CPEB2: variants seen among roughly 807,000 people sequenced by gnomAD.
CPEB2 encodes cytoplasmic polyadenylation element binding protein 2.
In CPEB2, 56 loss-of-function variants were observed where a neutral mutation model predicts 93.6. The ratio of observed to expected loss-of-function variants is 0.60; its 90% CI spans 0.48 to 0.75. The LOEUF (loss-of-function observed/expected upper bound fraction) is 0.75, where lower values mean the gene tolerates loss of function less well. Ranked by LOEUF, CPEB2 falls within the 30% of genes least tolerant of loss-of-function variation. CPEB2 has a pLI of 0.00. For missense variants in CPEB2, 1,579 were observed against 1,395.1 expected, an observed-to-expected ratio of 1.13 and a Z score of -2.10; for synonymous variants, 764 against 586.3, an observed-to-expected ratio of 1.30 and a Z score of -4.38.
chr4:15,002,591 G>A lies in CPEB2; in HGVS notation c.-83G>A. The A allele has an allele frequency of 8.4e-7, 1 of 1,193,058 alleles. No homozygotes were observed. The highest frequency in any genetic ancestry group is 1.1e-6 in the Non-Finnish European group (1 of 885,554). 73.9% of individuals were successfully genotyped at this position (1,193,058 alleles called of 1,614,324 possible). On this transcript the variant is annotated 5_prime_UTR_variant, in exon 1 of 12. Transcript: ENST00000538197. ...CACTGACTCCCCCTCCTTCCACCAC[G>A]GCCGCGCAACCCCAGCGCCGGCGGC...
At chr4:15,027,493 C>G (rs1309086723) in intron 4 of CPEB2, among the ~76,000 whole-genome samples, 2 of 152,160 alleles carry the variant, frequency 1.3e-5, no homozygotes, top group Non-Finnish European at 2.9e-5. Context: ...GAATGACTGT[C>G]CTGCCCCTTG....
At chr4:15,050,721 T>G (rs550755367) in intron 6 of CPEB2, among the ~76,000 whole-genome samples, 1 of 152,324 alleles carries the variant, frequency 6.6e-6, no homozygotes, top group South Asian at 2.1e-4. Flanking sequence ...CATGATATTT[T>G]GGCTGCCCTC....
intron 6 of CPEB2, among the ~76,000 whole-genome samples, chr4:15,048,679 C>T (rs969682238): frequency 6.6e-6 from 1 of 151,702 alleles, no homozygotes; most frequent in African/African-American, 2.4e-5. Context: ...GTCTTGTTTT[C>T]TAATATGCTT....
In CPEB2 at chr4:15,054,460, T is replaced by C. The variant is rs145938866; in HGVS notation, c.2461+243T>C. On this transcript the variant is annotated intron_variant, in intron 8 of 11. Transcript: ENST00000538197. The stretch of plus-strand genomic sequence containing the variant: ...TGAAATTAAGATCTATGTGAAGTGA[T>C]TGGTCTTTCATAAAATATAAATTTA... Among the ~76,000 whole-genome samples, 42 of 152,344 alleles carry C rather than the reference T, an allele frequency of 2.8e-4. No individual in the cohort carries two copies. In the East Asian group the frequency reaches 6.2e-3, roughly 22 times the overall value.
At chr4:15,024,369 C>T (rs572848052) in intron 4 of CPEB2, among the ~76,000 whole-genome samples, 1 of 152,148 alleles carries the variant, frequency 6.6e-6, no homozygotes, top group African/African-American at 2.4e-5. Flanking sequence ...CATAATGTTT[C>T]TACCTATATA....
chr4:15,064,513 A>G (rs1158021092), intron 11 of CPEB2, among the ~76,000 whole-genome samples: 1 of 152,044 alleles, frequency 6.6e-6, no homozygotes, highest in Non-Finnish European at 1.5e-5. Context: ...CTGGTGTTTT[A>G]TCAGGTATTA....
chr4:15,058,537 C>T lies in CPEB2; in HGVS notation c.2578C>T (p.Pro860Ser), dbSNP rs1447895134. The part of the protein sequence containing the change: ...CVSSPTIKDK[P>S]VQIRPWNLSD... ...TTCTAGCCCTACTATCAAGGACAAA[C>T]CAGTAAGTAAATACCACATGAACTT... is the stretch of plus-strand genomic sequence containing the variant. The change falls in exon 9 of 12, where the codon CCA becomes TCA. Residue 860 changes from proline (P) to serine (S), a missense_variant and splice_region_variant. By Grantham distance (74) the Pro-to-Ser change is moderately conservative. Transcript: ENST00000538197. 1.3e-6 allele frequency: 2 copies of T among 1,549,104 alleles called. No homozygotes were observed.
rs781297312 is a variant in CPEB2, at chr4:15,059,206, A to G, written c.2600A>G (p.Asn867Ser). The part of the protein sequence containing the change: ...KDKPVQIRPW[N>S]LSDSDFVMDG... The stretch of plus-strand genomic sequence containing the variant: ...TCATAGGTTCAAATACGTCCTTGGA[A>G]TTTAAGTGATAGTGATTTTGTAATG... Residue 867 changes from asparagine (N) to serine (S), a missense_variant, in exon 10 of 12, where the codon AAT (asparagine) becomes AGT (serine). Transcript: ENST00000538197. The G allele has an allele frequency of 6.2e-7, 1 of 1,610,790 alleles. No homozygotes were observed. The highest frequency in any genetic ancestry group is 1.1e-5 in the South Asian group (1 of 90,754).
Position 15,052,444 on chromosome 4 carries a change from G to A in CPEB2, c.2231G>A (p.Gly744Asp). ...GRSSLFPIDD[G>D]LLDDGHSDQV... ...TCTTCCCTCTTTCCAATAGATGATG[G>A]CTTGCTTGATGATGGTCACAGTGAT... The change falls in exon 7 of 12, where the codon GGC becomes GAC. Residue 744 changes from glycine to aspartate, a missense_variant. By Grantham distance (94) the Gly-to-Asp change is moderately conservative (BLOSUM62 -1). This residue lies in a region of CPEB2 where 1,411 missense variants were observed against 1,056.0 expected (regional missense o/e 1.34). Coordinates refer to ENST00000538197, the MANE Select transcript of CPEB2 (RefSeq NM_001177382.2). 6.4e-7 allele frequency: 1 copy of A among 1,554,854 alleles called. No homozygotes were observed. Among genetic ancestry groups the A allele is most frequent in the Non-Finnish European group, 8.7e-7 (1 of 1,144,946 alleles).
At chr4:15,041,871 T>C (rs752154889) in intron 6 of CPEB2, among the ~76,000 whole-genome samples, 1 of 152,250 alleles carries the variant, frequency 6.6e-6, no homozygotes, top group Non-Finnish European at 1.5e-5. Flanking sequence ...TTTTTTAATA[T>C]GGTTTTTTCA....
intron 4 of CPEB2, among the ~76,000 whole-genome samples, chr4:15,019,394 T>A (rs530376975): frequency 1.3e-5 from 2 of 152,110 alleles, no homozygotes; most frequent in South Asian, 4.1e-4. Flanking sequence ...TTTCTCTCCG[T>A]ACTCTGATTA....
At chr4:15,038,120 T>C (rs1422901861) in intron 5 of CPEB2, among the ~76,000 whole-genome samples, 1 of 152,186 alleles carries the variant, frequency 6.6e-6, no homozygotes, top group Non-Finnish European at 1.5e-5. Context: ...ATCTGAGAGT[T>C]GCCCAAAAAA....
intron 6 of CPEB2, among the ~76,000 whole-genome samples, chr4:15,052,096 A>G (rs974680484): frequency 2.0e-5 from 3 of 151,878 alleles, no homozygotes; most frequent in Admixed American, 2.0e-4. Flanking sequence ...CCTGTTATAT[A>G]TCCATTCTAA....
At chr4:15,006,048 A>C (rs188823975) in intron 1 of CPEB2, among the ~76,000 whole-genome samples, 53 of 125,050 alleles carry the variant, frequency 4.2e-4, no homozygotes, top group African/African-American at 1.3e-3. Flanking sequence ...GTGAGAGGTC[A>C]CACAGCTTTC....
At chr4:15,052,307 G>T in intron 6 of CPEB2, 107 bp from the exon 7 acceptor site, 1 of 705,084 alleles carries the variant, frequency 1.4e-6, no homozygotes. Context: ...ATGTTCACCT[G>T]CATCACCTTC....
Position 15,033,154 on chromosome 4 carries a change from T to C in CPEB2, c.2126-7T>C. 1 of 1,599,590 alleles carries C rather than the reference T, an allele frequency of 6.3e-7. No homozygotes were observed. The highest frequency in any genetic ancestry group is 8.6e-7 in the Non-Finnish European group (1 of 1,169,576). On this transcript the variant is annotated splice_polypyrimidine_tract_variant and splice_region_variant and intron_variant, in intron 4 of 11. Transcript: ENST00000538197. ...TCTTCAAACTCACCTTTCCTGTCTT[T>C]TTAAAGGTCGATTGAGCTATCCACA...
At position 15,066,167 on chromosome 4, in the gene CPEB2, A is replaced by G. The variant is rs757708943; in HGVS notation, c.2892A>G (p.Pro964=). 42 of 1,613,168 alleles carry G rather than the reference A, an allele frequency of 2.6e-5. No homozygotes were observed. The highest frequency in any genetic ancestry group is 3.3e-4 in the Middle Eastern group (2 of 6,074). ...TTTTTTTCAAGGTGGAGGTAAAGCC[A>G]TATGTGCTAGATGACCAGATGTGTG... ...GDIDKRVEVK[P]YVLDDQMCDE... is the part of the protein sequence containing the mutation. The change falls in exon 12 of 12, where the codon CCA becomes CCG. Residue 964 remains proline, a synonymous_variant. Coordinates refer to ENST00000538197, the MANE Select transcript of CPEB2 (RefSeq NM_001177382.2).
chr4:15,032,686 T>C (rs1046485915), intron 4 of CPEB2, among the ~76,000 whole-genome samples: 5 of 152,144 alleles, frequency 3.3e-5, no homozygotes, highest in Admixed American at 3.3e-4. Context: ...CATTGGCAAG[T>C]TGAGATGAAT....
At chr4:15,046,328 C>T (rs954802697) in intron 6 of CPEB2, among the ~76,000 whole-genome samples, 1 of 152,164 alleles carries the variant, frequency 6.6e-6, no homozygotes, top group African/African-American at 2.4e-5. Flanking sequence ...TAGGTTGAAG[C>T]GATTCTTCTG....
Sources: gnomAD v4.1 joint callset for allele counts (sites outside exome capture counted in the v4.1 genomes callset) on GRCh38, gnomAD v4.1.1 for gene constraint, gnomAD v4.1.1 regional missense constraint, MANE v1.5 for transcripts, NCBI Gene and HGNC (gene_info 2026-07-23, HGNC 2026-07-21) for gene names.